The following CDH22 variants were observed in gnomAD, a reference collection of about 807,000 sequenced individuals.
CDH22 encodes the protein cadherin 22, also known as cadherin-22.
In CDH22, 30 loss-of-function variants were observed where a neutral mutation model predicts 58.4. The observed-to-expected ratio is 0.51, with a 90% CI of 0.38 to 0.70. The LOEUF (loss-of-function observed/expected upper bound fraction) is 0.70, where lower values mean the gene tolerates loss of function less well. Ranked by LOEUF, CDH22 falls within the 30% of genes least tolerant of loss-of-function variation. CDH22 has a pLI of 0.00. For synonymous variants in CDH22, 513 were observed against 558.2 expected (o/e 0.92, Z 1.14); for missense variants, 1,014 against 1,233.9 (o/e 0.82, Z 2.67).
At chr20:46,204,992 G>A (rs1267366846) in intron 7 of CDH22, among the ~76,000 whole-genome samples, 1 of 152,148 alleles carries the variant, frequency 6.6e-6, no homozygotes, top group African/African-American at 2.4e-5. Flanking sequence ...TGATGCAGCT[G>A]CCGCCCAAGC....
chr20:46,194,842 G>A (rs2085887728), intron 8 of CDH22, among the ~76,000 whole-genome samples: 1 of 152,118 alleles, frequency 6.6e-6, no homozygotes, highest in Admixed American at 6.5e-5. Flanking sequence ...CAATTCTCCT[G>A]CCTCAGCCTC....
At chr20:46,254,554 CA>C (rs1257630029) in intron 1 of CDH22, among the ~76,000 whole-genome samples, 5,161 of 64,116 alleles carry the variant, frequency 0.08, 100 homozygotes, top group Middle Eastern at 0.13. Context: ...AATTCCATCT[CA>C]AAAAAAAAAA....
chr20:46,242,292 C>T (rs1413058320), intron 2 of CDH22, among the ~76,000 whole-genome samples: 3 of 152,160 alleles, frequency 2.0e-5, no homozygotes, highest in Admixed American at 6.5e-5. Context: ...TGGTCTGACT[C>T]CACACTGGGC....
At chr20:46,176,843 C>T (rs973741008) in intron 11 of CDH22, among the ~76,000 whole-genome samples, 7 of 152,224 alleles carry the variant, frequency 4.6e-5, no homozygotes, top group South Asian at 2.1e-4. Context: ...GTGAGGTTTG[C>T]GGGTGGCGGG....
rs142017568 is a variant in CDH22, at chr20:46,224,499, T to G, written c.670+3009A>C. On this transcript the variant is annotated intron_variant, in intron 4 of 11. Coordinates refer to ENST00000537909, the MANE Select transcript of CDH22 (RefSeq NM_021248.3). ...ATTCTTGGAGCTCCACACCTGTATT[T>G]CACATGGCCTGCTAGAAGTTCTAGG... 2.0e-3 allele frequency among the ~76,000 whole-genome samples: 305 copies of G among 152,304 alleles called. 6 individuals carry two copies. The East Asian group carries it at 0.056, about 28-fold the overall frequency.
intron 1 of CDH22, among the ~76,000 whole-genome samples, chr20:46,261,991 G>A (rs1355058781): frequency 1.3e-5 from 2 of 152,090 alleles, no homozygotes; most frequent in African/African-American, 4.8e-5. Context: ...GCATGCATGT[G>A]CATCACTGAT....
chr20:46,210,227 T>C lies in CDH22; in HGVS notation c.1286+80A>G. ...TCGGCCCTGCCCGCCCCAGCCCTCC[T>C]CCCCTCTGCCCGCAGTCTGTCCGCG... On this transcript the variant is annotated intron_variant, in intron 7 of 11. Coordinates refer to ENST00000537909, the MANE Select transcript of CDH22 (RefSeq NM_021248.3). This position sits in a 1 kb window ranked among gnomAD's most constrained non-coding sequence, Gnocchi z 4.5. The C allele has an allele frequency of 7.6e-7, 1 of 1,307,808 alleles. No individual in the cohort carries two copies. The allele number at this position is 1,307,808 out of a possible 1,614,324, so 81.0% of individuals were successfully genotyped here.
chr20:46,295,812 G>A lies in CDH22; in HGVS notation c.-400+12443C>T, dbSNP rs148170665. ...GGGTCTCGCTCTGTCACCCAGGCTGGAGTGCAGTGGCATGATCATAGCTCA... is the reference window on the plus strand; with the variant it reads ...GGGTCTCGCTCTGTCACCCAGGCTGAAGTGCAGTGGCATGATCATAGCTCA... On this transcript the variant is annotated intron_variant, in intron 1 of 11. Coordinates refer to ENST00000537909, the MANE Select transcript of CDH22 (RefSeq NM_021248.3). Among the ~76,000 whole-genome samples, 1,519 of 152,318 alleles carry A rather than the reference G, an allele frequency of 1.0e-2. 30 individuals carry two copies. The highest frequency in any genetic ancestry group is 0.034 in the African/African-American group (1,433 of 41,562).
chr20:46,277,309 G>A (rs889168519), intron 1 of CDH22, among the ~76,000 whole-genome samples: 3 of 152,202 alleles, frequency 2.0e-5, no homozygotes, highest in African/African-American at 7.2e-5. Flanking sequence ...TTAGAAGATA[G>A]TGTTGGCAGG....
intron 2 of CDH22, 63 bp downstream of exon 2, chr20:46,250,977 G>A: frequency 1.0e-6 from 1 of 981,996 alleles, no homozygotes; most frequent in Non-Finnish European, 1.6e-6. Context: ...AGGGTTTCTT[G>A]TATCTACCCG....
At chr20:46,225,400 T>C (rs550138355) in intron 4 of CDH22, among the ~76,000 whole-genome samples, 5 of 152,204 alleles carry the variant, frequency 3.3e-5, no homozygotes, top group Non-Finnish European at 7.3e-5. Flanking sequence ...AAGCCCTTTA[T>C]GTACTCATAT....
chr20:46,211,013 G>A (rs944569851), intron 6 of CDH22, among the ~76,000 whole-genome samples: 4 of 152,200 alleles, frequency 2.6e-5, no homozygotes, highest in Admixed American at 1.3e-4. Context: ...CCAAGTCACC[G>A]GGCAGTGAGT....
chr20:46,268,377 C>T lies in CDH22; in HGVS notation c.-399-16684G>A, dbSNP rs79685071. 7.3e-3 allele frequency among the ~76,000 whole-genome samples: 1,108 copies of T among 152,356 alleles called. 46 individuals carry two copies. The highest frequency in any genetic ancestry group is 0.05 in the Admixed American group (772 of 15,308). On this transcript the variant is annotated intron_variant, in intron 1 of 11. Transcript: ENST00000537909. ...ACCGCCTGCCTCGCAGCTCATCTCC[C>T]GCAGCTCCCCGAGGTCCCAGCGATT... is the stretch of plus-strand genomic sequence containing the variant.
Position 46,216,344 on chromosome 20 carries a change from CT to C in CDH22, c.838+481del, listed in dbSNP as rs905313449. ...AGGAGGGAAATGCCTGTCACTCAGACTTAGTTTTTCTCTGCACAACCTCTAT... is the reference window on the plus strand; with the variant it reads ...AGGAGGGAAATGCCTGTCACTCAGACTAGTTTTTCTCTGCACAACCTCTAT... On this transcript the variant is annotated intron_variant, in intron 5 of 11. Transcript: ENST00000537909. The surrounding 1 kb of genome is among the most constrained non-coding windows in gnomAD (Gnocchi z 5.3). 4.6e-5 allele frequency among the ~76,000 whole-genome samples: 7 copies of C among 152,222 alleles called. No homozygotes were observed. Among genetic ancestry groups the C allele is most frequent in the African/African-American group, 1.7e-4 (7 of 41,464 alleles).
intron 1 of CDH22, among the ~76,000 whole-genome samples, chr20:46,269,958 T>C (rs942805826): frequency 1.2e-4 from 19 of 152,112 alleles, no homozygotes; most frequent in African/African-American, 3.9e-4. Context: ...CAGTATGTAG[T>C]AGGTGCTCAA....
intron 3 of CDH22, among the ~76,000 whole-genome samples, chr20:46,236,012 C>T (rs558797615): frequency 2.0e-5 from 3 of 152,300 alleles, no homozygotes; most frequent in Admixed American, 2.0e-4. Context: ...TTCTCCCACT[C>T]ACTCACTTCT....
chr20:46,290,982 AAAT>A (rs1267351670), intron 1 of CDH22, among the ~76,000 whole-genome samples: 1 of 152,188 alleles, frequency 6.6e-6, no homozygotes, highest in Non-Finnish European at 1.5e-5. Context: ...GACAGAATTC[AAAT>A]AATAACAGCT....
intron 1 of CDH22, among the ~76,000 whole-genome samples, chr20:46,284,151 G>A (rs1466139201): frequency 6.6e-6 from 1 of 152,086 alleles, no homozygotes; most frequent in Non-Finnish European, 1.5e-5. Context: ...TACACACCGA[G>A]AGGGGGCTGG....
chr20:46,191,631 A>G (rs1044389448), intron 8 of CDH22, among the ~76,000 whole-genome samples: 3 of 152,156 alleles, frequency 2.0e-5, no homozygotes, highest in Non-Finnish European at 4.4e-5. Context: ...TGTTTTACTG[A>G]TGAGGAAACG....
Sources: allele counts gnomAD v4.1 joint callset (sites outside exome capture counted in the v4.1 genomes callset), GRCh38; gene constraint gnomAD v4.1.1; non-coding constraint Gnocchi (gnomAD v3.1); transcripts MANE v1.5; gene names NCBI Gene and HGNC (gene_info 2026-07-23, HGNC 2026-07-21).